The following GPATCH8 variants were observed in gnomAD, a reference collection of about 807,000 sequenced individuals.
GPATCH8 encodes G-patch domain containing 8.
GPATCH8 carries 18 observed loss-of-function variants against 118.3 expected under a neutral mutation model. The ratio of observed to expected loss-of-function variants is 0.15; its 90% CI spans 0.11 to 0.23. The LOEUF is 0.23. Among genes scored for constraint, GPATCH8 ranks in the 10% least tolerant of loss-of-function variants. GPATCH8 has a pLI of 1.00. For synonymous variants in GPATCH8, 659 were observed against 684.7 expected (o/e 0.96, Z 0.59); for missense variants, 1,631 against 1,873.8 (o/e 0.87, Z 2.39).
intron 5 of GPATCH8, among the ~76,000 whole-genome samples, chr17:44,434,667 G>A (rs1352829246): frequency 6.6e-5 from 10 of 152,168 alleles, no homozygotes; most frequent in African/African-American, 1.7e-4. Flanking sequence ...GTGAAACCCC[G>A]TCTCTACTGA....
At chr17:44,407,050 A>G (rs2049259238) in intron 6 of GPATCH8, among the ~76,000 whole-genome samples, 1 of 152,240 alleles carries the variant, frequency 6.6e-6, no homozygotes, top group African/African-American at 2.4e-5. Context: ...CCCAGTATAA[A>G]GTGGACATTG....
chr17:44,421,697 C>T (rs988929333), intron 6 of GPATCH8, among the ~76,000 whole-genome samples: 16 of 149,906 alleles, frequency 1.1e-4, no homozygotes, highest in African/African-American at 3.7e-4. Flanking sequence ...CTGAAGTCAT[C>T]GACTAGTGTG....
chr17:44,443,540 G>GT (rs1450323113), intron 3 of GPATCH8, among the ~76,000 whole-genome samples: 1 of 151,620 alleles, frequency 6.6e-6, no homozygotes, highest in Non-Finnish European at 1.5e-5. Flanking sequence ...AGTTTTTAAG[G>GT]TTTAAAAAAA....
intron 3 of GPATCH8, among the ~76,000 whole-genome samples, chr17:44,451,500 T>C (rs1432865385): frequency 6.6e-6 from 1 of 152,172 alleles, no homozygotes; most frequent in Non-Finnish European, 1.5e-5. Flanking sequence ...CTTTAGGAAT[T>C]TACAGTCTAC....
intron 1 of GPATCH8, among the ~76,000 whole-genome samples, chr17:44,488,175 G>T (rs377234304): frequency 6.7e-6 from 1 of 149,752 alleles, no homozygotes; most frequent in Admixed American, 6.7e-5. Flanking sequence ...CACCTGCCTC[G>T]GCCTCCCAGA....
intron 3 of GPATCH8, among the ~76,000 whole-genome samples, chr17:44,460,369 GAAAT>G (rs1279193859): frequency 1.3e-5 from 2 of 151,790 alleles, no homozygotes; most frequent in African/African-American, 4.8e-5. Flanking sequence ...TAAAATTTCT[GAAAT>G]ATTTTAACAA....
intron 3 of GPATCH8, among the ~76,000 whole-genome samples, chr17:44,449,513 CTT>C (rs752494488): frequency 4.8e-5 from 6 of 124,760 alleles, no homozygotes; most frequent in Admixed American, 1.6e-4. Flanking sequence ...TCAGAATCTA[CTT>C]TTTTTTTTTT....
chr17:44,427,161 G>C (rs1490890577), intron 5 of GPATCH8, among the ~76,000 whole-genome samples: 2 of 150,858 alleles, frequency 1.3e-5, no homozygotes, highest in African/African-American at 2.4e-5. Flanking sequence ...CTGTAGCATC[G>C]ACCTCCTGGG....
Position 44,407,065 on chromosome 17 carries a change from G to A in GPATCH8, c.493-1014C>T, listed in dbSNP as rs143983613. On this transcript the variant is annotated intron_variant, in intron 6 of 7. Transcript: ENST00000591680. The stretch of plus-strand genomic sequence containing the variant: ...CCCAGTATAAAGTGGACATTGCTTT[G>A]TAGAAAGGCATGATGTTCAACAGAC... Among the ~76,000 whole-genome samples, 180 of 152,234 alleles carry A rather than the reference G, an allele frequency of 1.2e-3. 1 individual carries two copies. The highest frequency in any genetic ancestry group is 3.4e-3 in the Middle Eastern group (1 of 294).
intron 5 of GPATCH8, among the ~76,000 whole-genome samples, chr17:44,429,154 A>G (rs2050201319): frequency 6.6e-6 from 1 of 152,156 alleles, no homozygotes; most frequent in Non-Finnish European, 1.5e-5. Flanking sequence ...AAGAATATTT[A>G]CACAGACAAA....
chr17:44,453,399 T>G lies in GPATCH8; in HGVS notation c.193+11073A>C, dbSNP rs117032067. Reference sequence around the variant, plus strand: ...TTCTCTCAGGGGCTTATTATAAGATTTAAATGAGATATTTGTTAAGTGCTT... The same window carrying G: ...TTCTCTCAGGGGCTTATTATAAGATGTAAATGAGATATTTGTTAAGTGCTT... On this transcript the variant is annotated intron_variant, in intron 3 of 7. Transcript: ENST00000591680. Among the ~76,000 whole-genome samples, 299 of 152,246 alleles carry G rather than the reference T, an allele frequency of 2.0e-3. 9 individuals are homozygous for G. The East Asian group carries it at 0.051, about 26-fold the overall frequency.
intron 1 of GPATCH8, among the ~76,000 whole-genome samples, chr17:44,487,545 G>A (rs565247468): frequency 7.9e-5 from 12 of 152,234 alleles, no homozygotes; most frequent in African/African-American, 2.2e-4. Flanking sequence ...TGGATTGAAC[G>A]GTAAAAAATA....
At chr17:44,403,238 G>C (rs574529333) in intron 7 of GPATCH8, among the ~76,000 whole-genome samples, 2 of 152,218 alleles carry the variant, frequency 1.3e-5, no homozygotes, top group Admixed American at 6.5e-5. Flanking sequence ...ACCATGCCCA[G>C]CTAATTTTTG....
intron 2 of GPATCH8, chr17:44,465,884 TAGA>T (rs1211834862): frequency 3.9e-5 from 6 of 152,240 alleles, no homozygotes; most frequent in East Asian, 1.9e-4. Context: ...AACTAGAAGT[TAGA>T]AGAAGATTAA....
At chr17:44,424,285 T>C in intron 6 of GPATCH8, 64 bp downstream of exon 6, 1 of 1,176,530 alleles carries the variant, frequency 8.5e-7, no homozygotes, top group Non-Finnish European at 1.3e-6. Context: ...GGTATACTCA[T>C]AAAATCCAAT....
At chr17:44,465,435 C>T (rs1399310675) in intron 2 of GPATCH8, 3 of 152,084 alleles carry the variant, frequency 2.0e-5, no homozygotes, top group East Asian at 1.9e-4. Context: ...TGTCAGCTTT[C>T]GTTTAAGGGG....
Position 44,401,210 on chromosome 17 carries a change from A to C in GPATCH8, c.867T>G (p.Asn289Lys). 1.9e-6 allele frequency: 3 copies of C among 1,614,096 alleles called. No homozygotes were observed. The highest frequency in any genetic ancestry group is 2.5e-6 in the Non-Finnish European group (3 of 1,179,972). The change falls in exon 8 of 8, where the codon AAT becomes AAG. Residue 289 changes from asparagine (N) to lysine (K), a missense_variant. By Grantham distance (94) the Asn-to-Lys change is moderately conservative. Around this residue, in one of 8 missense-constraint regions of GPATCH8, gnomAD observed 405 missense variants for 462.7 expected, o/e 0.88. Coordinates refer to ENST00000591680, the MANE Select transcript of GPATCH8 (RefSeq NM_001002909.4). ...ASQGISFGIK[N>K]NLGTPLQKLG... Reference sequence around the variant, plus strand: ...ATTTTTGCAATGGGGTCCCCAGATTATTCTTAATGCCAAAGCTGATGCCTT... The same window carrying C: ...ATTTTTGCAATGGGGTCCCCAGATTCTTCTTAATGCCAAAGCTGATGCCTT...
At chr17:44,460,869 G>A (rs1053314944) in intron 3 of GPATCH8, among the ~76,000 whole-genome samples, 2 of 152,096 alleles carry the variant, frequency 1.3e-5, no homozygotes, top group East Asian at 3.9e-4. Context: ...CAATAAATGT[G>A]GATATATTCT....
At chr17:44,441,953 G>A (rs917243969) in intron 3 of GPATCH8, among the ~76,000 whole-genome samples, 5 of 151,714 alleles carry the variant, frequency 3.3e-5, no homozygotes, top group African/African-American at 9.7e-5. Flanking sequence ...GCTTAAACCC[G>A]GGAGGCGGAG....
Sources: gnomAD v4.1 joint callset for allele counts (sites outside exome capture counted in the v4.1 genomes callset) on GRCh38, gnomAD v4.1.1 for gene constraint, gnomAD v4.1.1 regional missense constraint, MANE v1.5 for transcripts, NCBI Gene and HGNC (gene_info 2026-07-23, HGNC 2026-07-21) for gene names.